Variants in GTF2A1L observed in about 807,000 individuals in gnomAD.
GTF2A1L encodes the protein general transcription factor IIA subunit 1 like, also known as TFIIA-alpha and beta-like factor.
A neutral mutation model predicts 49.7 loss-of-function variants in GTF2A1L; 48 were observed. The observed-to-expected ratio is 0.97, with a 90% confidence interval of 0.77 to 1.23. The LOEUF (loss-of-function observed/expected upper bound fraction) is 1.23, where lower values mean the gene tolerates loss of function less well. Ranked by LOEUF, GTF2A1L falls within the 50% of genes most tolerant of loss-of-function variation. GTF2A1L has a pLI of 0.00. For missense variants in GTF2A1L, 736 were observed against 564.8 expected (o/e 1.30, Z -3.07); for synonymous variants, 246 against 193.5 (o/e 1.27, Z -2.25).
intron 4 of GTF2A1L, among the ~76,000 whole-genome samples, chr2:48,643,736 T>C (rs1023746646): frequency 1.4e-4 from 21 of 147,216 alleles, no homozygotes; most frequent in Non-Finnish European, 2.8e-4. Flanking sequence ...TCTTACTCTG[T>C]CACCCAAGTC....
At chr2:48,670,031 TC>T in intron 7 of GTF2A1L, 49 bp downstream of exon 7, 2 of 1,552,486 alleles carry the variant, frequency 1.3e-6, no homozygotes, top group Non-Finnish European at 1.7e-6. Flanking sequence ...TTATAACATT[TC>T]TACTTTATTA....
chr2:48,650,980 G>C (rs1677813553), intron 6 of GTF2A1L, among the ~76,000 whole-genome samples: 1 of 152,124 alleles, frequency 6.6e-6, no homozygotes, highest in African/African-American at 2.4e-5. Flanking sequence ...CCACATATGG[G>C]TATGAAGTTC....
At chr2:48,662,191 T>C (rs1334842011) in intron 6 of GTF2A1L, among the ~76,000 whole-genome samples, 1 of 152,266 alleles carries the variant, frequency 6.6e-6, no homozygotes, top group African/African-American at 2.4e-5. Flanking sequence ...CTTTGTCTTA[T>C]TGTTGTTACA....
chr2:48,633,897 G>GTC (rs3047605), intron 3 of GTF2A1L, among the ~76,000 whole-genome samples: 9 of 152,010 alleles, frequency 5.9e-5, no homozygotes, highest in Non-Finnish European at 1.0e-4. Context: ...GGCCTTCTTT[G>GTC]TTTTTTATTG....
intron 6 of GTF2A1L, chr2:48,668,696 A>G (rs35501278): frequency 0.17 from 26,070 of 152,030 alleles, 2,578 homozygotes; most frequent in South Asian, 0.24. Context: ...TTAGCCGGGC[A>G]TGGTTGCGGG....
chr2:48,669,644 T>A, intron 6 of GTF2A1L, 78 bp from the exon 7 acceptor site: 1 of 1,497,120 alleles, frequency 6.7e-7, no homozygotes, highest in Non-Finnish European at 8.9e-7. Flanking sequence ...GTGGAATGTT[T>A]GTTAATTTTA....
intron 6 of GTF2A1L, among the ~76,000 whole-genome samples, chr2:48,652,314 G>T (rs1170793702): frequency 6.6e-6 from 1 of 152,020 alleles, no homozygotes; most frequent in Admixed American, 6.6e-5. Context: ...AGTACTTGTT[G>T]CTATTAAAAT....
rs17037507 is a variant in GTF2A1L at position 48,679,554 on chromosome 2, G to T, written c.*112G>T. On this transcript the variant is annotated 3_prime_UTR_variant, in exon 9 of 9. Coordinates refer to ENST00000403751, the MANE Select transcript of GTF2A1L (RefSeq NM_006872.5). ...CAGCACAGAGCTGTTCAAATTTTTA[G>T]TTCACTGTATGGAATTTAATAAAAT... The T allele has an allele frequency of 8.3e-3, 12,262 of 1,483,740 alleles. 935 individuals are homozygous for T. In the African/African-American group the frequency reaches 0.16, roughly 19 times the overall value. The allele number at this position is 1,483,740 out of a possible 1,614,324, so 91.9% of individuals were successfully genotyped here.
chr2:48,669,808 A>C lies in GTF2A1L; in HGVS notation c.1065A>C (p.Thr355=). 1 of 1,614,104 alleles carries C rather than the reference A, an allele frequency of 6.2e-7. No individual in the cohort carries two copies. Among genetic ancestry groups the C allele is most frequent in the Non-Finnish European group, 8.5e-7 (1 of 1,179,986 alleles). ...EIIQVDGSGD[T]SSNEEIGSTR... Reference sequence around the variant, plus strand: ...TTCAAGTAGATGGAAGCGGTGATACATCTTCCAATGAAGAAATAGGAAGTA... The same window carrying C: ...TTCAAGTAGATGGAAGCGGTGATACCTCTTCCAATGAAGAAATAGGAAGTA... Residue 355 remains threonine, a synonymous_variant, in exon 7 of 9, where the codon ACA becomes ACC. Coordinates refer to ENST00000403751, the MANE Select transcript of GTF2A1L (RefSeq NM_006872.5).
intron 3 of GTF2A1L, among the ~76,000 whole-genome samples, chr2:48,626,421 G>A (rs1450470567): frequency 6.9e-6 from 1 of 144,150 alleles, no homozygotes; most frequent in Non-Finnish European, 1.6e-5. Flanking sequence ...AAAGTCATTG[G>A]AATTTTGATA....
In GTF2A1L at chr2:48,627,986, C is replaced by G. The variant is rs111385969; in HGVS notation, c.247+6696C>G. On this transcript the variant is annotated intron_variant, in intron 3 of 8. Coordinates refer to ENST00000403751, the MANE Select transcript of GTF2A1L (RefSeq NM_006872.5). ...GTAAGAATATGTGGTATTTGTTTTTCTGTTCCTGCATTAATTCACTTAGGA... is the reference window on the plus strand; with the variant it reads ...GTAAGAATATGTGGTATTTGTTTTTGTGTTCCTGCATTAATTCACTTAGGA... Among the ~76,000 whole-genome samples the G allele has an allele frequency of 5.7e-4, 82 of 144,134 alleles. 9 individuals carry two copies. The highest frequency in any genetic ancestry group is 2.0e-3 in the African/African-American group (81 of 40,610). 94.6% of individuals were successfully genotyped at this position (144,134 alleles called of 152,430 possible). A position where few individuals can be genotyped will look rare whatever the true frequency, so the allele number is the denominator to read the frequency against.
At chr2:48,659,134 T>G (rs1608567) in intron 6 of GTF2A1L, among the ~76,000 whole-genome samples, 2 of 152,138 alleles carry the variant, frequency 1.3e-5, no homozygotes, top group Non-Finnish European at 2.9e-5. Flanking sequence ...ATTAGCAGTG[T>G]CCTTCCATAG....
chr2:48,638,568 T>C (rs1280790684), intron 3 of GTF2A1L, among the ~76,000 whole-genome samples: 1 of 152,058 alleles, frequency 6.6e-6, no homozygotes, highest in East Asian at 1.9e-4. Context: ...ATTGAAGGAA[T>C]ATACCTCAAA....
rs113185443 is a variant in GTF2A1L at position 48,669,603 on chromosome 2, T to A, written c.979-119T>A. 2.4e-6 allele frequency: 3 copies of A among 1,235,778 alleles called. No homozygotes were observed. The African/African-American group carries it at 4.5e-5, about 19-fold the overall frequency. 76.6% of individuals were successfully genotyped at this position (1,235,778 alleles called of 1,614,324 possible). On this transcript the variant is annotated intron_variant, in intron 6 of 8. Coordinates refer to ENST00000403751, the MANE Select transcript of GTF2A1L (RefSeq NM_006872.5). ...AATTCAAAGTTAGATTTTAATGTCA[T>A]AAGAGAGAAGTTTGCTTGAACTGAC...
In GTF2A1L at chr2:48,629,351, G is replaced by C. The variant is rs943113010; in HGVS notation, c.247+8061G>C. Among the ~76,000 whole-genome samples the C allele has an allele frequency of 1.2e-4, 17 of 144,618 alleles. 6 individuals carry two copies. In the South Asian group the frequency reaches 4.0e-3, roughly 34 times the overall value. 94.9% of individuals were successfully genotyped at this position (144,618 alleles called of 152,430 possible). A position where few individuals can be genotyped will look rare whatever the true frequency, so the allele number is the denominator to read the frequency against. ...ATGAGGGAAGGCAAGGGTTTAAAAA[G>C]GTAAAACTTGATATGGAAGGCATGT... On this transcript the variant is annotated intron_variant, in intron 3 of 8. Coordinates refer to ENST00000403751, the MANE Select transcript of GTF2A1L (RefSeq NM_006872.5).
At chr2:48,630,425 T>C (rs184891552) in intron 3 of GTF2A1L, among the ~76,000 whole-genome samples, 6 of 144,086 alleles carry the variant, frequency 4.2e-5, no homozygotes, top group Non-Finnish European at 9.4e-5. Context: ...AGCTTGAACG[T>C]TGTTGGTGTA....
chr2:48,640,426 A>T (rs1018119937), intron 3 of GTF2A1L, among the ~76,000 whole-genome samples: 8 of 152,158 alleles, frequency 5.3e-5, no homozygotes, highest in African/African-American at 1.9e-4. Context: ...TATCTTCAAC[A>T]AACTAATGCA....
At position 48,669,828 on chromosome 2, in the gene GTF2A1L, G is replaced by A. The variant is rs148943401; in HGVS notation, c.1085G>A (p.Gly362Glu). The A allele has an allele frequency of 1.7e-5, 28 of 1,613,902 alleles. No individual in the cohort carries two copies. Among genetic ancestry groups the A allele is most frequent in the Middle Eastern group, 1.6e-4 (1 of 6,082 alleles). ...SGDTSSNEEI[G>E]STRDADENEF... ...GATACATCTTCCAATGAAGAAATAGGAAGTACAAGAGATGCAGATGAGAAT... is the reference window on the plus strand; with the variant it reads ...GATACATCTTCCAATGAAGAAATAGAAAGTACAAGAGATGCAGATGAGAAT... The change falls in exon 7 of 9, where the codon GGA becomes GAA. Residue 362 changes from glycine (G) to glutamate (E), a missense_variant. Transcript: ENST00000403751.
chr2:48,636,406 T>C (rs1266349559), intron 3 of GTF2A1L, among the ~76,000 whole-genome samples: 1 of 152,228 alleles, frequency 6.6e-6, no homozygotes, highest in Non-Finnish European at 1.5e-5. Context: ...TGAAATATCT[T>C]TGTGGTTGTT....
Sources: gnomAD v4.1 joint callset for allele counts (sites outside exome capture counted in the v4.1 genomes callset) on GRCh38, gnomAD v4.1.1 for gene constraint, MANE v1.5 for transcripts, NCBI Gene and HGNC (gene_info 2026-07-23, HGNC 2026-07-21) for gene names.